The following SCHIP1 variants were observed in gnomAD, a reference collection of about 807,000 sequenced individuals.
SCHIP1 encodes the protein schwannomin-interacting protein 1.
Under a neutral mutation model 29.7 loss-of-function variants are expected in SCHIP1, and 8 were observed. That is an observed-to-expected ratio of 0.27 (90% CI 0.16 to 0.49). SCHIP1 has a LOEUF of 0.49. Among genes scored for constraint, SCHIP1 ranks in the 20% least tolerant of loss-of-function variants. SCHIP1 has a pLI of 0.99. For missense variants in SCHIP1, 193 were observed against 294.6 expected (o/e 0.66, Z 2.52); for synonymous variants, 76 against 94.9 (o/e 0.80, Z 1.16).
At chr3:159,833,492 C>T in the SCHIP1 span, among the ~76,000 whole-genome samples, 1 of 152,184 alleles carries the variant, frequency 6.6e-6, no homozygotes, top group African/African-American at 2.4e-5. Flanking sequence ...GCTACTTTCC[C>T]CATCTCAAAG....
At chr3:159,514,743 A>T in the SCHIP1 span, among the ~76,000 whole-genome samples, 2 of 152,354 alleles carry the variant, frequency 1.3e-5, no homozygotes, top group East Asian at 3.9e-4. Context: ...CACTTCAAAT[A>T]CAATCAATAT....
the SCHIP1 span, among the ~76,000 whole-genome samples, chr3:159,393,429 G>T: frequency 6.6e-6 from 1 of 151,836 alleles, no homozygotes; most frequent in African/African-American, 2.4e-5. Context: ...TTTTCTTCTA[G>T]GGTTTTTATG....
At chr3:159,568,401 G>C in the SCHIP1 span, among the ~76,000 whole-genome samples, 8 of 152,012 alleles carry the variant, frequency 5.3e-5, no homozygotes, top group African/African-American at 1.9e-4. Context: ...CATTATGTAT[G>C]TACTATAAAA....
chr3:159,716,796 T>C, the SCHIP1 span, among the ~76,000 whole-genome samples: 2 of 152,268 alleles, frequency 1.3e-5, no homozygotes, highest in South Asian at 4.1e-4. Flanking sequence ...AACGGGAGAC[T>C]TTAACACCCC....
At chr3:159,636,436 A>G in the SCHIP1 span, among the ~76,000 whole-genome samples, 4 of 152,226 alleles carry the variant, frequency 2.6e-5, no homozygotes, top group African/African-American at 9.6e-5. Context: ...TGCTGAAGCT[A>G]ATTGAAGAAC....
At chr3:159,368,391 A>G in the SCHIP1 span, among the ~76,000 whole-genome samples, 1 of 152,178 alleles carries the variant, frequency 6.6e-6, no homozygotes, top group African/African-American at 2.4e-5. Flanking sequence ...ACATCTAGCC[A>G]TACTAACTTT....
chr3:159,300,113 CTTTTTTTTTTTT>C, the SCHIP1 span, among the ~76,000 whole-genome samples: 1 of 45,358 alleles, frequency 2.2e-5, no homozygotes, highest in Non-Finnish European at 4.0e-5. Flanking sequence ...GGGAAAGCTG[CTTTTTTTTTTTT>C]TTTTTTTTTT....
At chr3:159,734,609 A>G in the SCHIP1 span, among the ~76,000 whole-genome samples, 1 of 152,130 alleles carries the variant, frequency 6.6e-6, no homozygotes, top group Non-Finnish European at 1.5e-5. Context: ...CCTAGAATTG[A>G]GCAGATCTGA....
the SCHIP1 span, among the ~76,000 whole-genome samples, chr3:159,305,339 T>G: frequency 6.6e-6 from 1 of 152,240 alleles, no homozygotes; most frequent in African/African-American, 2.4e-5. Context: ...AGCTCTTGGC[T>G]CTTGAACAGT....
chr3:159,344,049 T>C, the SCHIP1 span, among the ~76,000 whole-genome samples: 5 of 152,174 alleles, frequency 3.3e-5, no homozygotes, highest in African/African-American at 4.8e-5. Flanking sequence ...TTAAATTGTA[T>C]TGGCTAGGCG....
the SCHIP1 span, among the ~76,000 whole-genome samples, chr3:159,808,254 C>T: frequency 6.6e-5 from 10 of 152,226 alleles, no homozygotes; most frequent in South Asian, 8.3e-4. Flanking sequence ...TCTGTGTTTA[C>T]ATTGACACCA....
the SCHIP1 span, among the ~76,000 whole-genome samples, chr3:159,514,816 T>C: frequency 6.6e-6 from 1 of 152,198 alleles, no homozygotes; most frequent in Admixed American, 6.5e-5. Flanking sequence ...TCCACTAAGA[T>C]GTGCAATTGG....
At chr3:159,791,378 A>G in the SCHIP1 span, among the ~76,000 whole-genome samples, 29 of 152,204 alleles carry the variant, frequency 1.9e-4, no homozygotes, top group South Asian at 6.0e-3. Flanking sequence ...AGCAGCCACC[A>G]CTCCTGGGAC....
the SCHIP1 span, among the ~76,000 whole-genome samples, chr3:159,727,270 A>G: frequency 6.6e-6 from 1 of 152,188 alleles, no homozygotes; most frequent in Non-Finnish European, 1.5e-5. Flanking sequence ...CACCTCTTTC[A>G]TGTATCCTAT....
the SCHIP1 span, among the ~76,000 whole-genome samples, chr3:159,415,129 C>T: frequency 6.6e-6 from 1 of 152,080 alleles, no homozygotes. Flanking sequence ...TGATTTGGCA[C>T]CAGCATGTTC....
the SCHIP1 span, among the ~76,000 whole-genome samples, chr3:159,640,364 A>G: frequency 1.3e-5 from 2 of 152,158 alleles, no homozygotes; most frequent in African/African-American, 2.4e-5. Flanking sequence ...CTCAGAGTCA[A>G]TTCCACAATG....
intron 2 of SCHIP1, among the ~76,000 whole-genome samples, chr3:159,880,258 A>C (rs533980254): frequency 3.9e-4 from 59 of 152,224 alleles, no homozygotes; most frequent in African/African-American, 1.3e-3. Flanking sequence ...CAGCTTTTCT[A>C]TCTCTCTCCT....
the SCHIP1 span, among the ~76,000 whole-genome samples, chr3:159,468,778 T>TATATA: frequency 1.6e-5 from 1 of 64,344 alleles, no homozygotes; most frequent in East Asian, 5.4e-4. Context: ...TATATATATA[T>TATATA]TTTTTTTAGA....
At chr3:159,311,129 T>G in the SCHIP1 span, among the ~76,000 whole-genome samples, 8 of 152,172 alleles carry the variant, frequency 5.3e-5, no homozygotes, top group African/African-American at 1.9e-4. Context: ...GAAGCTATTT[T>G]AAGGTTAATT....
Sources: allele counts gnomAD v4.1 joint callset (sites outside exome capture counted in the v4.1 genomes callset), GRCh38; gene constraint gnomAD v4.1.1; transcripts MANE v1.5; gene names NCBI Gene and HGNC (gene_info 2026-07-23, HGNC 2026-07-21).